THSD4: variants seen among roughly 807,000 people sequenced by gnomAD.
THSD4 encodes thrombospondin type-1 domain-containing protein 4.
Under a neutral mutation model 119.0 loss-of-function variants are expected in THSD4, and 69 were observed. That is an observed-to-expected ratio of 0.58 (90% CI 0.48 to 0.71). The LOEUF is 0.71. Ranked by LOEUF, THSD4 falls within the 30% of genes least tolerant of loss-of-function variation. THSD4 has a pLI of 0.00. For missense variants in THSD4, 1,393 were observed against 1,391.1 expected (o/e 1.00, Z -0.02); for synonymous variants, 524 against 540.4 (o/e 0.97, Z 0.42).
chr15:71,610,573 G>A (rs572810790), intron 7 of THSD4, among the ~76,000 whole-genome samples: 3 of 152,302 alleles, frequency 2.0e-5, no homozygotes, highest in African/African-American at 7.2e-5. Context: ...GTTCTACTTA[G>A]TGGTGACAGG....
chr15:71,272,475 G>A (rs1476030530), intron 6 of THSD4, among the ~76,000 whole-genome samples: 3 of 147,998 alleles, frequency 2.0e-5, no homozygotes, highest in Admixed American at 1.4e-4. Context: ...TTTCTCAAAC[G>A]AAGACATAAA....
intron 4 of THSD4, among the ~76,000 whole-genome samples, chr15:71,235,056 C>T (rs1374133744): frequency 2.0e-5 from 3 of 152,180 alleles, no homozygotes; most frequent in South Asian, 2.1e-4. Context: ...TGTGGTCATA[C>T]GAAAGTATTT....
At chr15:71,468,540 G>C (rs2047531274) in intron 7 of THSD4, among the ~76,000 whole-genome samples, 2 of 152,100 alleles carry the variant, frequency 1.3e-5, no homozygotes. Context: ...TCACTCCCTT[G>C]TTCCTATTTC....
intron 15 of THSD4, among the ~76,000 whole-genome samples, chr15:71,758,834 G>A (rs2625535): frequency 5.9e-5 from 9 of 151,968 alleles, no homozygotes; most frequent in African/African-American, 2.2e-4. Flanking sequence ...ACTGACCTTG[G>A]AAAAAAATGC....
At chr15:71,292,510 C>T (rs140661503) in intron 6 of THSD4, among the ~76,000 whole-genome samples, 96 of 151,986 alleles carry the variant, frequency 6.3e-4, no homozygotes, top group African/African-American at 2.1e-3. Context: ...GGTATTTGCT[C>T]GACTGTCTTC....
intron 6 of THSD4, among the ~76,000 whole-genome samples, chr15:71,389,810 G>GTTTTTTTTTTGTTT (rs2046349093): frequency 1.1e-5 from 1 of 88,024 alleles, no homozygotes; most frequent in South Asian, 4.9e-4. Flanking sequence ...TTTCTGGGTT[G>GTTTTTTTTTTGTTT]TTTTTTTTTT....
intron 8 of THSD4, among the ~76,000 whole-genome samples, chr15:71,690,812 T>C (rs1262957616): frequency 1.3e-5 from 2 of 152,188 alleles, no homozygotes; most frequent in Admixed American, 1.3e-4. Context: ...TTCACTGTCA[T>C]GAGAACAGCA....
chr15:71,774,778 G>GA (rs11317881), intron 17 of THSD4, among the ~76,000 whole-genome samples: 11,207 of 139,754 alleles, frequency 0.08, 497 homozygotes, highest in East Asian at 0.16. Context: ...CCCCATCTCT[G>GA]AAAAAAAAAA....
chr15:71,737,659 G>A (rs528621335), intron 10 of THSD4, 73 bp from the exon 11 acceptor site: 27 of 1,495,732 alleles, frequency 1.8e-5, no homozygotes, highest in East Asian at 1.4e-4. Context: ...CTCTAATGTC[G>A]AAGCAATTTC....
chr15:71,538,409 T>G (rs576285670), intron 7 of THSD4, among the ~76,000 whole-genome samples: 7 of 152,236 alleles, frequency 4.6e-5, no homozygotes, highest in Non-Finnish European at 1.0e-4. Flanking sequence ...TCTACATGTT[T>G]AGTCAGGTAA....
At chr15:71,511,665 A>G (rs1396071365) in intron 7 of THSD4, among the ~76,000 whole-genome samples, 2 of 152,226 alleles carry the variant, frequency 1.3e-5, no homozygotes, top group Non-Finnish European at 2.9e-5. Context: ...TTGATTAAGT[A>G]ATCACTTAAC....
At chr15:71,436,680 G>GA (rs1477636727) in intron 7 of THSD4, among the ~76,000 whole-genome samples, 9 of 151,766 alleles carry the variant, frequency 5.9e-5, no homozygotes, top group East Asian at 1.9e-4. Flanking sequence ...AGATTAATAA[G>GA]AAAAAAAAGC....
At chr15:71,508,997 T>C (rs539404117) in intron 7 of THSD4, among the ~76,000 whole-genome samples, 1 of 150,520 alleles carries the variant, frequency 6.6e-6, no homozygotes, top group South Asian at 2.1e-4. Flanking sequence ...GCAGGTGGAA[T>C]CTTTGGATAC....
At chr15:71,184,219 A>G (rs1022869841) in intron 3 of THSD4, 1 of 151,854 alleles carries the variant, frequency 6.6e-6, no homozygotes, top group African/African-American at 2.4e-5. Flanking sequence ...TTCTCTGGAA[A>G]GAGGAAGAAA....
intron 6 of THSD4, among the ~76,000 whole-genome samples, chr15:71,357,515 G>A (rs1484566899): frequency 2.0e-5 from 3 of 152,196 alleles, no homozygotes; most frequent in African/African-American, 4.8e-5. Context: ...CCATGGGTGC[G>A]GCTGCCAGGT....
At chr15:71,644,190 A>G (rs1387459507) in intron 7 of THSD4, among the ~76,000 whole-genome samples, 2 of 152,160 alleles carry the variant, frequency 1.3e-5, no homozygotes, top group African/African-American at 2.4e-5. Flanking sequence ...GTTAAACCAG[A>G]TGATCTCTAT....
intron 7 of THSD4, among the ~76,000 whole-genome samples, chr15:71,649,862 C>A (rs1157534271): frequency 3.9e-5 from 6 of 152,294 alleles, no homozygotes; most frequent in African/African-American, 1.4e-4. Context: ...CTAGGGAGTT[C>A]TTTCAGTTCT....
intron 7 of THSD4, among the ~76,000 whole-genome samples, chr15:71,522,583 C>T (rs919893639): frequency 5.3e-5 from 8 of 152,174 alleles, no homozygotes; most frequent in South Asian, 2.1e-4. Flanking sequence ...TGCTTAAGTG[C>T]GACCAATTCT....
intron 7 of THSD4, among the ~76,000 whole-genome samples, chr15:71,533,860 T>C (rs2048650565): frequency 6.6e-6 from 1 of 152,154 alleles, no homozygotes; most frequent in African/African-American, 2.4e-5. Flanking sequence ...GTAGGCATTA[T>C]TGGCAGGCTT....
Sources: gnomAD v4.1 joint callset for allele counts (sites outside exome capture counted in the v4.1 genomes callset) on GRCh38, gnomAD v4.1.1 for gene constraint, MANE v1.5 for transcripts, NCBI Gene and HGNC (gene_info 2026-07-23, HGNC 2026-07-21) for gene names.